LARP1: variants seen among roughly 807,000 people sequenced by gnomAD.
LARP1 encodes the protein la-related protein 1.
In LARP1, 36 loss-of-function variants were observed where a neutral mutation model predicts 122.7. The observed-to-expected ratio is 0.29, with a 90% CI of 0.22 to 0.39. The LOEUF (loss-of-function observed/expected upper bound fraction) is 0.39, where lower values mean the gene tolerates loss of function less well. LARP1 is among the 10% of genes least tolerant of loss of function. LARP1 has a pLI of 1.00. For synonymous variants in LARP1, 539 were observed against 528.7 expected, an observed-to-expected ratio of 1.02 and a Z score of -0.27; for missense variants, 1,040 against 1,403.6, an observed-to-expected ratio of 0.74 and a Z score of 4.14.
chr5:154,772,119 A>G (rs1582359914), intron 1 of LARP1, among the ~76,000 whole-genome samples: 1 of 152,244 alleles, frequency 6.6e-6, no homozygotes, highest in African/African-American at 2.4e-5. Context: ...TATAATAAGC[A>G]TTGATGAGAT....
intron 1 of LARP1, among the ~76,000 whole-genome samples, chr5:154,725,088 A>G (rs1340026012): frequency 6.6e-6 from 1 of 151,900 alleles, no homozygotes; most frequent in East Asian, 1.9e-4. Flanking sequence ...CTACAAAAAA[A>G]CTTTAAAATT....
chr5:154,785,895 A>G (rs1379920587), intron 1 of LARP1, among the ~76,000 whole-genome samples: 1 of 152,162 alleles, frequency 6.6e-6, no homozygotes, highest in Admixed American at 6.6e-5. Flanking sequence ...TAGTAGCATC[A>G]GCTCCCTGCT....
intron 1 of LARP1, among the ~76,000 whole-genome samples, chr5:154,690,502 CAG>C (rs543885245): frequency 6.6e-6 from 1 of 152,298 alleles, no homozygotes; most frequent in Admixed American, 6.5e-5. Context: ...AATGAAGAAA[CAG>C]AAGTACAGAG....
rs56109800 is a variant in LARP1, at chr5:154,736,536, TTTTATTTATTTATTTATTTA to T, written c.205+23434_205+23453del. On this transcript the variant is annotated intron_variant, in intron 1 of 18. Transcript: ENST00000336314. The stretch of plus-strand genomic sequence containing the variant: ...TTGAGCCACACCCTGCCTGGCCTAT[TTTTATTTATTTATTTATTTA>T]TTTATTTATTTATTTATTTATTTAT... Among the ~76,000 whole-genome samples the T allele has an allele frequency of 2.1e-4, 28 of 133,204 alleles. No individual in the cohort carries two copies. In the East Asian group the frequency reaches 3.4e-3, roughly 16 times the overall value. 87.4% of individuals were successfully genotyped at this position (133,204 alleles called of 152,430 possible).
chr5:154,735,452 CAA>C (rs1173212137), intron 1 of LARP1, among the ~76,000 whole-genome samples: 1 of 136,636 alleles, frequency 7.3e-6, no homozygotes, highest in African/African-American at 2.7e-5. Context: ...GACTCTGTCT[CAA>C]AAAAAAAAGA....
At chr5:154,714,275 C>G (rs1051282981) in intron 1 of LARP1, among the ~76,000 whole-genome samples, 1 of 152,136 alleles carries the variant, frequency 6.6e-6, no homozygotes, top group African/African-American at 2.4e-5. Flanking sequence ...ATTATTTTCT[C>G]CAATCACTGT....
At chr5:154,726,422 A>G (rs1171295578) in intron 1 of LARP1, among the ~76,000 whole-genome samples, 3 of 152,220 alleles carry the variant, frequency 2.0e-5, no homozygotes, top group Non-Finnish European at 4.4e-5. Context: ...CACATGGCTG[A>G]AAACCAAGAG....
In LARP1 at chr5:154,794,094, C is replaced by G; in HGVS notation, c.1070-6C>G. 6.2e-7 allele frequency: 1 copy of G among 1,614,134 alleles called. No individual in the cohort carries two copies. Among genetic ancestry groups the G allele is most frequent in the South Asian group, 1.1e-5 (1 of 91,072 alleles). On this transcript the variant is annotated splice_polypyrimidine_tract_variant and splice_region_variant and intron_variant, in intron 6 of 18. Transcript: ENST00000518297. Reference sequence around the variant, plus strand: ...CTCTCCCTCATGGCACCCGTTTCCCCCATAGCCCATTTTGACTACCAGTTT... The same window carrying G: ...CTCTCCCTCATGGCACCCGTTTCCCGCATAGCCCATTTTGACTACCAGTTT...
In LARP1 at chr5:154,769,101, A is replaced by G. The variant is rs181501619; in HGVS notation, c.436+12908A>G. 2.0e-5 allele frequency among the ~76,000 whole-genome samples: 3 copies of G among 152,334 alleles called. No homozygotes were observed. The East Asian group carries it at 5.8e-4, about 29-fold the overall frequency. ...TGATTCGCCCACCTCGGCCTCTCAA[A>G]GTGCAGGAGTTAAAGGTATGAGCCA... On this transcript the variant is annotated intron_variant, in intron 1 of 18. Transcript: ENST00000518297.
chr5:154,690,863 A>AT (rs774579087), intron 1 of LARP1, among the ~76,000 whole-genome samples: 1 of 152,214 alleles, frequency 6.6e-6, no homozygotes, highest in African/African-American at 2.4e-5. Flanking sequence ...TAAAATAGAT[A>AT]TAAAAAAAAC....
At chr5:154,775,427 G>A (rs1015757928) in intron 1 of LARP1, among the ~76,000 whole-genome samples, 5 of 151,060 alleles carry the variant, frequency 3.3e-5, no homozygotes, top group Admixed American at 6.6e-5. Context: ...CGGGGAGGTC[G>A]AAGCTGCAGT....
At chr5:154,742,430 A>T (rs950445545) in intron 1 of LARP1, among the ~76,000 whole-genome samples, 2 of 152,164 alleles carry the variant, frequency 1.3e-5, no homozygotes, top group African/African-American at 4.8e-5. Flanking sequence ...ATGGTGGCAC[A>T]TGCCTGTAAT....
At chr5:154,767,889 GA>G (rs1359964793) in intron 1 of LARP1, among the ~76,000 whole-genome samples, 1 of 152,156 alleles carries the variant, frequency 6.6e-6, no homozygotes, top group Non-Finnish European at 1.5e-5. Flanking sequence ...CTGCTTCTAG[GA>G]AATGTGGGAG....
intron 15 of LARP1, among the ~76,000 whole-genome samples, chr5:154,806,282 CAATT>C (rs1758775635): frequency 6.6e-6 from 1 of 152,152 alleles, no homozygotes; most frequent in Admixed American, 6.5e-5. Flanking sequence ...TTAAAGCTGT[CAATT>C]AAGTATTTCC....
intron 1 of LARP1, among the ~76,000 whole-genome samples, chr5:154,715,357 C>T (rs1302105381): frequency 6.9e-6 from 1 of 145,914 alleles, no homozygotes; most frequent in East Asian, 2.1e-4. Flanking sequence ...CTCCGCCTCC[C>T]GGGTTCAAGC....
chr5:154,800,111 A>C, intron 10 of LARP1, 69 bp downstream of exon 10: 2 of 1,410,732 alleles, frequency 1.4e-6, no homozygotes, highest in Non-Finnish European at 9.8e-7. Context: ...GGGATAACAC[A>C]TGGGCACAGC....
chr5:154,693,977 T>C (rs1034973815), intron 1 of LARP1, among the ~76,000 whole-genome samples: 1 of 152,142 alleles, frequency 6.6e-6, no homozygotes, highest in Admixed American at 6.5e-5. Flanking sequence ...ATGAGGCCTA[T>C]AAGAACTAGC....
chr5:154,808,682 G>A (rs1463662342), intron 16 of LARP1, 79 bp downstream of exon 16: 3 of 1,452,754 alleles, frequency 2.1e-6, no homozygotes, highest in Non-Finnish European at 2.8e-6. Context: ...TTCCAGAACT[G>A]TAGTTGGAAA....
intron 1 of LARP1, among the ~76,000 whole-genome samples, chr5:154,737,604 C>T (rs1052162757): frequency 2.0e-5 from 3 of 150,494 alleles, no homozygotes; most frequent in Non-Finnish European, 4.4e-5. Context: ...ACCACGCCGG[C>T]TAATTTTTTT....
Sources: allele counts gnomAD v4.1 joint callset (sites outside exome capture counted in the v4.1 genomes callset), GRCh38; gene constraint gnomAD v4.1.1; transcripts MANE v1.5; gene names NCBI Gene and HGNC (gene_info 2026-07-23, HGNC 2026-07-21).